POLK: variants seen among roughly 807,000 people sequenced by gnomAD.
The protein encoded by POLK is DNA polymerase kappa, also known as polymerase (DNA directed) kappa.
Under a neutral mutation model 94.0 loss-of-function variants are expected in POLK, and 76 were observed. That is an observed-to-expected ratio of 0.81 (90% CI 0.67 to 0.98). POLK has a LOEUF of 0.98. POLK is among the 50% of genes least tolerant of loss of function. POLK has a pLI of 0.00. For synonymous variants in POLK, 349 were observed against 325.4 expected, an observed-to-expected ratio of 1.07 and a Z score of -0.78; for missense variants, 954 against 1,010.1, an observed-to-expected ratio of 0.94 and a Z score of 0.75.
At chr5:75,608,825 G>A in the POLK span, 1 of 152,232 alleles carries the variant, frequency 6.6e-6, no homozygotes, top group Non-Finnish European at 1.5e-5. Context: ...ATGAAGAATG[G>A]AGAAGAATTG....
chr5:75,511,469 T>A (rs1163622538), upstream of POLK: 3 of 1,514,010 alleles, frequency 2.0e-6, no homozygotes, highest in Non-Finnish European at 2.7e-6. Flanking sequence ...CCGTGACCCC[T>A]GCGTTGCGCC....
downstream of POLK, among the ~76,000 whole-genome samples, chr5:75,602,804 T>C (rs1773324609): frequency 6.6e-6 from 1 of 152,260 alleles, no homozygotes; most frequent in Non-Finnish European, 1.5e-5. Context: ...GTCCCTGTAA[T>C]ATAGAGCTAT....
chr5:75,517,319 A>T (rs947109946), intron 1 of POLK, among the ~76,000 whole-genome samples: 1 of 152,094 alleles, frequency 6.6e-6, no homozygotes, highest in African/African-American at 2.4e-5. Context: ...TTTCTTCATC[A>T]GTGTTTTATA....
At chr5:75,592,955 C>G (rs1772866668) in intron 11 of POLK, among the ~76,000 whole-genome samples, 1 of 151,738 alleles carries the variant, frequency 6.6e-6, no homozygotes, top group African/African-American at 2.4e-5. Context: ...ACTTGGGAGG[C>G]TGAGGTAGGA....
rs142164717 is a variant in POLK at position 75,577,110 on chromosome 5, CAT to C, written c.694+178_694+179del. Among the ~76,000 whole-genome samples the C allele has an allele frequency of 2.1e-3, 324 of 152,142 alleles. 1 individual carries two copies. In the East Asian group the frequency reaches 0.027, roughly 13 times the overall value. ...ATACCAGTGGGTTTTCTGAGTTAAA[CAT>C]GTGGAATATCACATATAAACAAAAT... On this transcript the variant is annotated intron_variant, in intron 6 of 14. Transcript: ENST00000241436.
At chr5:75,580,335 T>C (rs889484225) in intron 6 of POLK, among the ~76,000 whole-genome samples, 8 of 152,258 alleles carry the variant, frequency 5.3e-5, no homozygotes, top group African/African-American at 1.9e-4. Context: ...TTAAATTGTA[T>C]TTCTTCTACA....
intron 1 of POLK, among the ~76,000 whole-genome samples, chr5:75,523,372 C>T (rs1768679521): frequency 6.6e-6 from 1 of 152,078 alleles, no homozygotes; most frequent in Admixed American, 6.5e-5. Context: ...ATAGTAGAAC[C>T]ATACTGTGTA....
chr5:75,569,348 A>G (rs778538658), exon 4 of POLK: 1 of 1,605,928 alleles, frequency 6.2e-7, no homozygotes. Context: ...AGGTTGACAG[A>G]TTTGCAATGG....
At chr5:75,592,845 G>A (rs1581101278) in intron 11 of POLK, among the ~76,000 whole-genome samples, 1 of 152,142 alleles carries the variant, frequency 6.6e-6, no homozygotes, top group Non-Finnish European at 1.5e-5. Flanking sequence ...CTTGAGCCCA[G>A]GAGTTCAAGA....
intron 3 of POLK, among the ~76,000 whole-genome samples, chr5:75,564,579 G>A (rs1182693145): frequency 6.6e-6 from 1 of 152,192 alleles, no homozygotes; most frequent in African/African-American, 2.4e-5. Flanking sequence ...TTGTAAGGCA[G>A]GCCTGGTGGT....
In POLK at chr5:75,594,056, CTT is replaced by C. The variant is rs1175899192; in HGVS notation, c.1528+11_1528+12del. ...TTGAGATTAAGGCTTATGGGTATGA[CTT>C]TTTCATTTTTTTGTTTTTCCTTAAA... On this transcript the variant is annotated splice_region_variant and intron_variant, in intron 12 of 14. Transcript: ENST00000241436. 6.5e-7 allele frequency: 1 copy of C among 1,548,008 alleles called. No homozygotes were observed. Among genetic ancestry groups the C allele is most frequent in the South Asian group, 1.2e-5 (1 of 81,288 alleles).
intron 11 of POLK, among the ~76,000 whole-genome samples, chr5:75,592,888 TA>T (rs954953686): frequency 1.3e-5 from 2 of 151,800 alleles, no homozygotes; most frequent in African/African-American, 4.8e-5. Context: ...ATCACGTCTC[TA>T]CAAAGAAAAT....
rs1772378489 is a variant in POLK, at chr5:75,584,809, T to C, written c.1109T>C (p.Ile370Thr). The change falls in exon 9 of 15, where the codon ATT becomes ACT. Residue 370 changes from isoleucine (I) to threonine (T), a missense_variant. Coordinates refer to ENST00000241436, the Ensembl canonical transcript of POLK. ...GAGAAAATGTTAAAGGCCCTTGGAA[T>C]TATTACATGTACAGAACTTTACCAA... 4 of 1,589,804 alleles carry C rather than the reference T, an allele frequency of 2.5e-6. No homozygotes were observed. Among genetic ancestry groups the C allele is most frequent in the Non-Finnish European group, 2.6e-6 (3 of 1,164,242 alleles).
intron 2 of POLK, among the ~76,000 whole-genome samples, chr5:75,551,584 A>G (rs767810114): frequency 1.4e-4 from 22 of 152,236 alleles, no homozygotes; most frequent in Non-Finnish European, 2.4e-4. Flanking sequence ...AAGAAGATAT[A>G]CAAATGACTC....
exon 7 of POLK, chr5:75,581,363 A>G (rs1044909048): frequency 1.2e-6 from 2 of 1,613,862 alleles, no homozygotes; most frequent in Non-Finnish European, 8.5e-7. Context: ...TCCAAAACTC[A>G]GTTGTTTTTG....
At chr5:75,572,291 G>A (rs1771637465) in intron 4 of POLK, among the ~76,000 whole-genome samples, 1 of 152,016 alleles carries the variant, frequency 6.6e-6, no homozygotes, top group Non-Finnish European at 1.5e-5. Flanking sequence ...CAGCAAAAAA[G>A]ATAATTAAGC....
chr5:75,605,543 G>A (rs557672953), downstream of POLK, among the ~76,000 whole-genome samples: 10 of 152,258 alleles, frequency 6.6e-5, no homozygotes, highest in East Asian at 3.9e-4. Context: ...GAAACCATCC[G>A]CAAGTCTGAG....
intron 1 of POLK, among the ~76,000 whole-genome samples, chr5:75,518,976 C>G (rs1161046557): frequency 1.3e-5 from 2 of 152,120 alleles, no homozygotes; most frequent in Non-Finnish European, 2.9e-5. Context: ...TCCTGAGTAG[C>G]TAGGACAATA....
intron 4 of POLK, among the ~76,000 whole-genome samples, chr5:75,570,861 G>GT (rs960361933): frequency 6.6e-5 from 10 of 152,000 alleles, no homozygotes; most frequent in African/African-American, 1.9e-4. Context: ...TAATCTGTTT[G>GT]TTTTTTTATC....
Sources: gnomAD v4.1 joint callset for allele counts (sites outside exome capture counted in the v4.1 genomes callset) on GRCh38, gnomAD v4.1.1 for gene constraint, MANE v1.5 for transcripts, NCBI Gene and HGNC (gene_info 2026-07-23, HGNC 2026-07-21) for gene names.